THBS2: variants seen among roughly 807,000 people sequenced by gnomAD.
THBS2 encodes the protein thrombospondin-2.
Under a neutral mutation model 135.2 loss-of-function variants are expected in THBS2, and 47 were observed. The observed-to-expected ratio is 0.35, with a 90% CI of 0.28 to 0.44. The LOEUF is 0.44. Among genes scored for constraint, THBS2 ranks in the 20% least tolerant of loss-of-function variants. The pLI, the probability that THBS2 is intolerant of heterozygous loss-of-function variation, is 1.00. For missense variants in THBS2, 1,288 were observed against 1,603.1 expected (o/e 0.80, Z 3.36); for synonymous variants, 639 against 633.8 (o/e 1.01, Z -0.12).
chr6:169,218,494 A>G (rs867883469), intron 21 of THBS2, among the ~76,000 whole-genome samples: 6 of 110,842 alleles, frequency 5.4e-5, no homozygotes, highest in African/African-American at 2.1e-4. Context: ...GATGAAATGG[A>G]TGGGTGGATG....
At chr6:169,240,987 A>G (rs527586077) in intron 5 of THBS2, among the ~76,000 whole-genome samples, 2 of 146,876 alleles carry the variant, frequency 1.4e-5, no homozygotes, top group African/African-American at 5.2e-5. Flanking sequence ...TGCCCTCGCC[A>G]CCCTCCCTGC....
rs1389873930 is a variant in THBS2, at chr6:169,246,236, C to A, written c.655G>T (p.Asp219Tyr). Residue 219 changes from aspartate to tyrosine, a missense_variant, in exon 4 of 22, where the codon GAT (aspartate) becomes TAT (tyrosine). Physicochemically the swap from Asp to Tyr is radical, Grantham distance 160. Around this residue, in one of 2 missense-constraint regions of THBS2, gnomAD observed 414 missense variants for 447.0 expected, o/e 0.93. Coordinates refer to ENST00000617924, the MANE Select transcript of THBS2 (RefSeq NM_003247.5). ...VHLVFENSVE[D>Y]ILSKKGCQQG... Reference sequence around the variant, plus strand: ...TGGCAACCCTTCTTGCTTAGAATATCTTCCACAGAGTTTTCAAACACTAGG... The same window carrying A: ...TGGCAACCCTTCTTGCTTAGAATATATTCCACAGAGTTTTCAAACACTAGG... 1 of 1,613,864 alleles carries A rather than the reference C, an allele frequency of 6.2e-7. No individual in the cohort carries two copies. Among genetic ancestry groups the A allele is most frequent in the African/African-American group, 1.3e-5 (1 of 74,906 alleles).
In THBS2 at chr6:169,248,809, T is replaced by C; in HGVS notation, c.217A>G (p.Lys73Glu). ...TTCTGCCGCATGATCTTGGTGATCT[T>C]GCTGAGGTCATCTGCGTTCACCGGT... ...IPPVNADDLSKITKIMRQKEG... is the reference protein window; with the variant it reads ...IPPVNADDLSEITKIMRQKEG... The change falls in exon 3 of 22, where the codon AAG (lysine) becomes GAG (glutamate). Residue 73 changes from lysine (K) to glutamate (E), a missense_variant. Around this residue, in one of 2 missense-constraint regions of THBS2, gnomAD observed 414 missense variants for 447.0 expected, o/e 0.93. Transcript: ENST00000617924. The C allele has an allele frequency of 6.2e-7, 1 of 1,611,074 alleles. No individual in the cohort carries two copies. The highest frequency in any genetic ancestry group is 8.5e-7 in the Non-Finnish European group (1 of 1,179,996).
At chr6:169,242,631 AC>A (rs1487737607) in intron 4 of THBS2, among the ~76,000 whole-genome samples, 1 of 20,574 alleles carries the variant, frequency 4.9e-5, no homozygotes, top group Non-Finnish European at 9.6e-5. Flanking sequence ...CCACCTTCCC[AC>A]CACTCCCACC....
chr6:169,223,774 A>G (rs1340284312), intron 17 of THBS2, among the ~76,000 whole-genome samples: 1 of 152,256 alleles, frequency 6.6e-6, no homozygotes, highest in Non-Finnish European at 1.5e-5. Context: ...TGCTGCAGGT[A>G]TAAAACCTGA....
Position 169,250,806 on chromosome 6 carries a change from C to T in THBS2, c.-22G>A. On this transcript the variant is annotated splice_region_variant and 5_prime_UTR_variant, in exon 2 of 22. Transcript: ENST00000617924. The stretch of plus-strand genomic sequence containing the variant: ...CCATCCTGCCTCCTGCAGCTGAGCT[C>T]CTGGGAATACAGGAAACCCTTGTTA... The T allele has an allele frequency of 6.2e-7, 1 of 1,610,906 alleles. No homozygotes were observed. Among genetic ancestry groups the T allele is most frequent in the Non-Finnish European group, 8.5e-7 (1 of 1,178,504 alleles).
chr6:169,222,787 T>C (rs1779475628), intron 18 of THBS2, among the ~76,000 whole-genome samples: 2 of 129,792 alleles, frequency 1.5e-5, no homozygotes, highest in East Asian at 2.2e-4. Flanking sequence ...AGAGCAAGAC[T>C]CCATCTCAAA....
chr6:169,222,312 T>C lies in THBS2; in HGVS notation c.3158A>G (p.Gln1053Arg). Residue 1053 changes from glutamine to arginine, a missense_variant, in exon 19 of 22, where the codon CAG becomes CGG. Transcript: ENST00000617924. ...KQVTQTYWED[Q>R]PTRAYGYSGV... ...GGAGTAGCCATAGGCCCGCGTGGGCTGGTCCTCCCAGTAGGTCTGCGTCAC... is the reference window on the plus strand; with the variant it reads ...GGAGTAGCCATAGGCCCGCGTGGGCCGGTCCTCCCAGTAGGTCTGCGTCAC... 6.2e-7 allele frequency: 1 copy of C among 1,613,570 alleles called. No homozygotes were observed. The highest frequency in any genetic ancestry group is 8.5e-7 in the Non-Finnish European group (1 of 1,180,040).
intron 6 of THBS2, 30 bp downstream of exon 6, chr6:169,240,420 CTT>C: frequency 6.2e-7 from 1 of 1,608,312 alleles, no homozygotes; most frequent in Admixed American, 1.7e-5. Context: ...ATGGTGGCCT[CTT>C]CCCCCAAGAG....
At position 169,216,196 on chromosome 6, in the gene THBS2, C is replaced by CAA. The variant is rs1779165087; in HGVS notation, c.*1624_*1625dup. ...ACACAACGATCAACCTCAAAGGAAA[C>CAA]AACAAAATTAATTTTATCAAAATGC... is the stretch of plus-strand genomic sequence containing the variant. On this transcript the variant is annotated 3_prime_UTR_variant, in exon 22 of 22. Transcript: ENST00000617924. 2.0e-5 allele frequency: 3 copies of CAA among 152,106 alleles called. No homozygotes were observed. The highest frequency in any genetic ancestry group is 2.0e-4 in the Admixed American group (3 of 15,280). The allele number at this position is 152,106 out of a possible 1,614,324, so 9.4% of individuals were successfully genotyped here.
chr6:169,227,159 G>A (rs553867129), intron 15 of THBS2, among the ~76,000 whole-genome samples: 1 of 152,286 alleles, frequency 6.6e-6, no homozygotes, highest in East Asian at 1.9e-4. Context: ...CAGCAGGTTG[G>A]GGTGGCTCAG....
intron 16 of THBS2, 27 bp downstream of exon 16, chr6:169,226,153 A>G (rs1583407006): frequency 6.3e-7 from 1 of 1,584,278 alleles, no homozygotes; most frequent in African/African-American, 1.4e-5. Flanking sequence ...AGGACCTCCA[A>G]CCCCGCCTGT....
chr6:169,223,359 T>C lies in THBS2; in HGVS notation c.2890A>G (p.Met964Val), dbSNP rs1289677825. The C allele has an allele frequency of 6.2e-7, 1 of 1,614,182 alleles. No homozygotes were observed. The highest frequency in any genetic ancestry group is 8.5e-7 in the Non-Finnish European group (1 of 1,180,038). ...ISETDFRNFQ[M>V]VPLDPKGTTQ... Reference sequence around the variant, plus strand: ...GTCCCTTTGGGATCCAAGGGGACCATCTGGAAGTTCCTGAAGTCTGTCTCA... The same window carrying C: ...GTCCCTTTGGGATCCAAGGGGACCACCTGGAAGTTCCTGAAGTCTGTCTCA... The change falls in exon 18 of 22, where the codon ATG (methionine) becomes GTG (valine). Residue 964 changes from methionine to valine, a missense_variant. Physicochemically the swap from Met to Val is conservative, Grantham distance 21. Around this residue, in one of 2 missense-constraint regions of THBS2, gnomAD observed 874 missense variants for 1,156.1 expected, o/e 0.76. Coordinates refer to ENST00000617924, the MANE Select transcript of THBS2 (RefSeq NM_003247.5).
chr6:169,219,217 ATGAG>A (rs1779322044), intron 21 of THBS2, among the ~76,000 whole-genome samples: 2 of 118,376 alleles, frequency 1.7e-5, no homozygotes, highest in African/African-American at 3.3e-5. Context: ...GATGAAATGG[ATGAG>A]TGGGTGGGTG....
intron 4 of THBS2, among the ~76,000 whole-genome samples, chr6:169,245,594 C>G (rs985233934): frequency 6.6e-6 from 1 of 152,042 alleles, no homozygotes; most frequent in South Asian, 2.1e-4. Context: ...AGATCGAGAC[C>G]ATCTTGGCTA....
Position 169,248,584 on chromosome 6 carries a change from G to T in THBS2, c.442C>A (p.Gln148Lys). The T allele has an allele frequency of 6.2e-7, 1 of 1,614,042 alleles. No individual in the cohort carries two copies. The highest frequency in any genetic ancestry group is 8.5e-7 in the Non-Finnish European group (1 of 1,180,044). Residue 148 changes from glutamine to lysine, a missense_variant, in exon 3 of 22, where the codon CAG becomes AAG. By Grantham distance (53) the Gln-to-Lys change is moderately conservative (BLOSUM62 1). Around this residue, in one of 2 missense-constraint regions of THBS2, gnomAD observed 414 missense variants for 447.0 expected, o/e 0.93. Transcript: ENST00000617924. ...SLEDVGLADS[Q>K]WKNVTVQVAG... is the part of the protein sequence containing the mutation. ...ACCTGCACGGTGACGTTCTTCCACTGCGAGTCAGCCAGGCCGACGTCCTCC... is the reference window on the plus strand; with the variant it reads ...ACCTGCACGGTGACGTTCTTCCACTTCGAGTCAGCCAGGCCGACGTCCTCC...
chr6:169,232,726 G>A lies in THBS2; in HGVS notation c.1870C>T (p.Pro624Ser). The change falls in exon 12 of 22, where the codon CCC becomes TCC. Residue 624 changes from proline to serine, a missense_variant. Pro to Ser is a moderately conservative substitution (Grantham distance 74). This residue lies in a region of THBS2 where 874 missense variants were observed against 1,156.1 expected (regional missense o/e 0.76). Coordinates refer to ENST00000617924, the MANE Select transcript of THBS2 (RefSeq NM_003247.5). ...ACGGGCTGGTTCCCTCTGTATCGGG[G>A]CGGGCAGGGCAGGCAGTGGAAGCCA... ...QPGFHCLPCP[P>S]RYRGNQPVGV... The A allele has an allele frequency of 6.2e-7, 1 of 1,614,026 alleles. No individual in the cohort carries two copies. Among genetic ancestry groups the A allele is most frequent in the Non-Finnish European group, 8.5e-7 (1 of 1,179,962 alleles).
At position 169,232,088 on chromosome 6, in the gene THBS2, C is replaced by T. The variant is rs764947373; in HGVS notation, c.2043G>A (p.Gln681=). 2.5e-6 allele frequency: 4 copies of T among 1,614,010 alleles called. No homozygotes were observed. Among genetic ancestry groups the T allele is most frequent in the Non-Finnish European group, 3.4e-6 (4 of 1,180,004 alleles). The change falls in exon 13 of 22, where the codon CAG becomes CAA. Residue 681 remains glutamine, a synonymous_variant. Transcript: ENST00000617924. The part of the protein sequence containing the change: ...FSDPMYKCEC[Q]TGYAGDGLIC... Reference sequence around the variant, plus strand: ...TGAGCCCGTCGCCCGCGTAGCCTGTCTGGCACTCGCACTTGTACATGGGGT... The same window carrying T: ...TGAGCCCGTCGCCCGCGTAGCCTGTTTGGCACTCGCACTTGTACATGGGGT...
At chr6:169,248,251 TGTG>T (rs1240571672) in intron 3 of THBS2, among the ~76,000 whole-genome samples, 163 bp downstream of exon 3, 1 of 152,082 alleles carries the variant, frequency 6.6e-6, no homozygotes, top group Non-Finnish European at 1.5e-5. Context: ...TGCATGTGCA[TGTG>T]GTGTGTGCAC....
Sources: allele counts gnomAD v4.1 joint callset (sites outside exome capture counted in the v4.1 genomes callset), GRCh38; gene constraint gnomAD v4.1.1; regional missense constraint gnomAD v4.1.1; transcripts MANE v1.5; gene names NCBI Gene and HGNC (gene_info 2026-07-23, HGNC 2026-07-21).